Variants in QTMAN observed in about 807,000 individuals in gnomAD.
The protein encoded by QTMAN is tRNA-queuosine alpha-mannosyltransferase.
the QTMAN span, among the ~76,000 whole-genome samples, chr2:143,972,667 T>C: frequency 6.6e-6 from 1 of 152,180 alleles, no homozygotes; most frequent in African/African-American, 2.4e-5. Flanking sequence ...ACAAAAGCTT[T>C]CATATTCAAT....
At chr2:144,202,102 T>A in the QTMAN span, among the ~76,000 whole-genome samples, 1 of 152,014 alleles carries the variant, frequency 6.6e-6, no homozygotes, top group African/African-American at 2.4e-5. Flanking sequence ...AACAGAATAG[T>A]ATAAATAAAG....
chr2:144,131,914 G>A, the QTMAN span, among the ~76,000 whole-genome samples: 2 of 151,854 alleles, frequency 1.3e-5, no homozygotes, highest in Non-Finnish European at 2.9e-5. Context: ...CATAAAGTGT[G>A]TGCCCAGAAA....
the QTMAN span, chr2:143,941,292 A>C: frequency 6.6e-6 from 1 of 152,268 alleles, no homozygotes; most frequent in African/African-American, 2.4e-5. Flanking sequence ...GTAAGACCAC[A>C]GGGAGTGGTG....
the QTMAN span, among the ~76,000 whole-genome samples, chr2:144,163,688 C>T: frequency 2.6e-5 from 4 of 152,062 alleles, no homozygotes; most frequent in African/African-American, 9.7e-5. Flanking sequence ...TTTTAAAGGG[C>T]AAAAAATCAT....
At chr2:144,205,486 G>A in the QTMAN span, among the ~76,000 whole-genome samples, 133 of 152,272 alleles carry the variant, frequency 8.7e-4, 3 homozygotes, top group East Asian at 0.018. Flanking sequence ...ATTTGGCAAA[G>A]GAGAATGGGA....
chr2:144,185,096 T>C, the QTMAN span, among the ~76,000 whole-genome samples: 225 of 152,258 alleles, frequency 1.5e-3, no homozygotes, highest in South Asian at 3.5e-3. Context: ...AGAAAAAATA[T>C]TGCACTATTT....
At chr2:144,104,856 C>G in the QTMAN span, among the ~76,000 whole-genome samples, 2 of 152,206 alleles carry the variant, frequency 1.3e-5, no homozygotes, top group African/African-American at 2.4e-5. Flanking sequence ...GAGGCACCCC[C>G]CAGTAGGGGC....
the QTMAN span, among the ~76,000 whole-genome samples, chr2:144,283,393 T>C: frequency 2.0e-5 from 3 of 152,206 alleles, no homozygotes; most frequent in South Asian, 4.1e-4. Flanking sequence ...AGGTGAAGTA[T>C]TCTGTGCTGA....
the QTMAN span, among the ~76,000 whole-genome samples, chr2:144,256,336 A>G: frequency 1.2e-4 from 19 of 152,320 alleles, 1 homozygote; most frequent in East Asian, 3.3e-3. Context: ...CCCAATGCCA[A>G]TAAAGATACT....
At chr2:144,016,058 C>T in the QTMAN span, among the ~76,000 whole-genome samples, 1 of 152,200 alleles carries the variant, frequency 6.6e-6, no homozygotes, top group Non-Finnish European at 1.5e-5. Flanking sequence ...AGTAACACTA[C>T]ATTCCCTAGT....
At chr2:144,079,468 A>G in the QTMAN span, among the ~76,000 whole-genome samples, 169 of 152,284 alleles carry the variant, frequency 1.1e-3, 2 homozygotes, top group African/African-American at 3.9e-3. Context: ...TAAAAACTTG[A>G]GAGCAAGAAT....
the QTMAN span, among the ~76,000 whole-genome samples, chr2:144,024,193 C>A: frequency 6.6e-6 from 1 of 152,200 alleles, no homozygotes; most frequent in Non-Finnish European, 1.5e-5. Context: ...AATTGTGTTA[C>A]AATATCTTTG....
At chr2:143,983,761 C>A in the QTMAN span, among the ~76,000 whole-genome samples, 2 of 152,128 alleles carry the variant, frequency 1.3e-5, no homozygotes, top group African/African-American at 4.8e-5. Context: ...GCGTGAGCCA[C>A]CACGCCCAGC....
the QTMAN span, among the ~76,000 whole-genome samples, chr2:144,004,930 C>T: frequency 6.6e-6 from 1 of 152,058 alleles, no homozygotes; most frequent in Admixed American, 6.6e-5. Context: ...TGCTCGGCGG[C>T]TCAGTGTTTA....
chr2:144,094,606 G>T, the QTMAN span, among the ~76,000 whole-genome samples: 1 of 152,122 alleles, frequency 6.6e-6, no homozygotes, highest in African/African-American at 2.4e-5. Context: ...CAGATCTCAT[G>T]AAACTCACTC....
At chr2:144,277,538 A>G in the QTMAN span, among the ~76,000 whole-genome samples, 1 of 152,184 alleles carries the variant, frequency 6.6e-6, no homozygotes, top group Non-Finnish European at 1.5e-5. Flanking sequence ...CTGTGAAGTT[A>G]AAAAAGAGTT....
the QTMAN span, among the ~76,000 whole-genome samples, chr2:144,129,563 G>T: frequency 1.8e-4 from 27 of 151,874 alleles, no homozygotes; most frequent in Non-Finnish European, 4.0e-4. Context: ...GGAACAACAG[G>T]CAAGAAAATA....
the QTMAN span, among the ~76,000 whole-genome samples, chr2:144,320,242 A>G: frequency 6.6e-6 from 1 of 152,200 alleles, no homozygotes; most frequent in Non-Finnish European, 1.5e-5. Context: ...TAGGTGCAAC[A>G]GAGTCCATAG....
the QTMAN span, among the ~76,000 whole-genome samples, chr2:144,013,030 G>C: frequency 6.6e-6 from 1 of 152,130 alleles, no homozygotes; most frequent in East Asian, 1.9e-4. Context: ...TGTTTCACAG[G>C]TGTGTTTTGT....
Sources: gnomAD v4.1 joint callset for allele counts (sites outside exome capture counted in the v4.1 genomes callset) on GRCh38, gnomAD v4.1.1 for gene constraint, MANE v1.5 for transcripts, NCBI Gene and HGNC (gene_info 2026-07-23, HGNC 2026-07-21) for gene names.